Variants in PRDM16 observed in about 807,000 individuals in gnomAD.
PRDM16 encodes PR/SET domain 16.
In PRDM16, 23 loss-of-function variants were observed where a neutral mutation model predicts 110.6. The ratio of observed to expected loss-of-function variants is 0.21; its 90% confidence interval spans 0.15 to 0.29. PRDM16 has a LOEUF of 0.29. Ranked by LOEUF, PRDM16 falls within the 10% of genes least tolerant of loss-of-function variation. PRDM16 has a pLI of 1.00. For synonymous variants in PRDM16, 799 were observed against 781.8 expected (o/e 1.02, Z -0.37); for missense variants, 1,615 against 1,794.3 (o/e 0.90, Z 1.81).
Position 3,350,295 on chromosome 1 carries a change from C to T in PRDM16, c.439-34857C>T, listed in dbSNP as rs1184140400. Among the ~76,000 whole-genome samples, 1 of 152,194 alleles carries T rather than the reference C, an allele frequency of 6.6e-6. No individual in the cohort carries two copies. The highest frequency in any genetic ancestry group is 1.5e-5 in the Non-Finnish European group (1 of 68,038). On this transcript the variant is annotated intron_variant, in intron 3 of 16. Coordinates refer to ENST00000270722, the MANE Select transcript of PRDM16 (RefSeq NM_022114.4). This position sits in a 1 kb window ranked among gnomAD's most constrained non-coding sequence, Gnocchi z 7.1. ...GAGCTGTGATCACACCACTATACTCCAGCCTGGGCGAGAGAGTGAGACCCT... is the reference window on the plus strand; with the variant it reads ...GAGCTGTGATCACACCACTATACTCTAGCCTGGGCGAGAGAGTGAGACCCT...
chr1:3,403,744 T>C, intron 6 of PRDM16, among the ~76,000 whole-genome samples: 1 of 152,160 alleles, frequency 6.6e-6, no homozygotes, highest in East Asian at 1.9e-4. Flanking sequence ...TGTAAGGAGC[T>C]ATGGAGACTT....
intron 5 of PRDM16, among the ~76,000 whole-genome samples, chr1:3,398,950 G>T (rs922418925): frequency 6.6e-6 from 1 of 152,352 alleles, no homozygotes; most frequent in Non-Finnish European, 1.5e-5. Flanking sequence ...GGAGAACCGA[G>T]CCTCTGCCCT....
chr1:3,277,731 G>T lies in PRDM16; in HGVS notation c.438+33594G>T, dbSNP rs144227163. On this transcript the variant is annotated intron_variant, in intron 3 of 16. Transcript: ENST00000270722. ...TTCACCCACATGCACACACACACGCGCGCACACACGCACACGCACACACAT... is the reference window on the plus strand; with the variant it reads ...TTCACCCACATGCACACACACACGCTCGCACACACGCACACGCACACACAT... Among the ~76,000 whole-genome samples, 3 of 150,010 alleles carry T rather than the reference G, an allele frequency of 2.0e-5. No homozygotes were observed. In the East Asian group the frequency reaches 5.8e-4, roughly 29 times the overall value.
chr1:3,140,868 C>T (rs755959556), intron 1 of PRDM16, among the ~76,000 whole-genome samples: 5 of 152,216 alleles, frequency 3.3e-5, no homozygotes, highest in East Asian at 1.9e-4. Context: ...ACATTGATCC[C>T]GCAGAAGAAA....
At chr1:3,308,601 G>A (rs1295768634) in intron 3 of PRDM16, 1 of 152,266 alleles carries the variant, frequency 6.6e-6, no homozygotes, top group Non-Finnish European at 1.5e-5. Flanking sequence ...TCTCAGGCTT[G>A]CGAATGCGTT....
chr1:3,391,244 G>A (rs1643295200), intron 4 of PRDM16, among the ~76,000 whole-genome samples: 1 of 152,162 alleles, frequency 6.6e-6, no homozygotes, highest in Non-Finnish European at 1.5e-5. Context: ...GGCGGGAGGA[G>A]GGCAGGGGGC....
intron 3 of PRDM16, among the ~76,000 whole-genome samples, chr1:3,280,733 C>T (rs553856113): frequency 1.1e-4 from 16 of 152,336 alleles, no homozygotes; most frequent in Non-Finnish European, 2.1e-4. Flanking sequence ...TGAAAGGGAA[C>T]CTTGAGAAAG....
chr1:3,098,404 C>T (rs915066814), intron 1 of PRDM16, among the ~76,000 whole-genome samples: 1 of 152,078 alleles, frequency 6.6e-6, no homozygotes, highest in African/African-American at 2.4e-5. Context: ...GCTTAATGGT[C>T]AGAAAGACCA....
intron 3 of PRDM16, among the ~76,000 whole-genome samples, chr1:3,286,938 C>G (rs959287365): frequency 6.6e-6 from 1 of 151,590 alleles, no homozygotes; most frequent in Non-Finnish European, 1.5e-5. Flanking sequence ...GCTGGGTCTG[C>G]CCACCCTTCC....
chr1:3,405,698 G>A (rs778030621), intron 8 of PRDM16, 50 bp downstream of exon 8: 12 of 1,498,010 alleles, frequency 8.0e-6, no homozygotes, highest in South Asian at 5.3e-5. Context: ...CGCGGATGCC[G>A]TGGCGGTCGG....
intron 1 of PRDM16, among the ~76,000 whole-genome samples, chr1:3,180,860 G>GGCCTTACACACGCAGTCTTACA (rs1644143481): frequency 2.7e-5 from 4 of 149,856 alleles, no homozygotes; most frequent in African/African-American, 1.0e-4. Context: ...GCAGTCTTAC[G>GGCCTTACACACGCAGTCTTACA]CACGGCCTTA....
chr1:3,306,754 C>T (rs1016214920), intron 3 of PRDM16: 6 of 152,196 alleles, frequency 3.9e-5, no homozygotes, highest in Admixed American at 3.9e-4. Context: ...ACTTGTGCAA[C>T]CATCACAATA....
Position 3,213,328 on chromosome 1 carries a change from T to G in PRDM16, c.387+26854T>G, listed in dbSNP as rs552971099. Among the ~76,000 whole-genome samples, 1 of 143,804 alleles carries G rather than the reference T, an allele frequency of 7.0e-6. No individual in the cohort carries two copies. The highest frequency in any genetic ancestry group is 2.6e-5 in the African/African-American group (1 of 37,854). 94.3% of individuals were successfully genotyped at this position (143,804 alleles called of 152,430 possible). A position where few individuals can be genotyped will look rare whatever the true frequency, so the allele number is the denominator to read the frequency against. On this transcript the variant is annotated intron_variant, in intron 2 of 16. Coordinates refer to ENST00000270722, the MANE Select transcript of PRDM16 (RefSeq NM_022114.4). This position sits in a 1 kb window ranked among gnomAD's most constrained non-coding sequence, Gnocchi z 5.3. ...AGACAACCATTTCTGCTTAATTTGC[T>G]GACACAAATCACCCTAACTATTTTG...
At chr1:3,195,104 C>T (rs1638431887) in intron 2 of PRDM16, among the ~76,000 whole-genome samples, 2 of 152,192 alleles carry the variant, frequency 1.3e-5, no homozygotes, top group Admixed American at 1.3e-4. Flanking sequence ...AGGCACACAG[C>T]GTCGGGATTT....
intron 1 of PRDM16, among the ~76,000 whole-genome samples, chr1:3,168,863 AT>A (rs1402738702): frequency 7.9e-5 from 12 of 152,252 alleles, no homozygotes; most frequent in African/African-American, 2.9e-4. Context: ...ACTTCTGCAG[AT>A]GAGAAGCTCT....
intron 3 of PRDM16, among the ~76,000 whole-genome samples, chr1:3,349,519 CTTAT>C (rs1642437286): frequency 6.6e-6 from 1 of 152,186 alleles, no homozygotes; most frequent in Non-Finnish European, 1.5e-5. Flanking sequence ...TGGCTCCGAG[CTTAT>C]TTCAGAGCTG....
Position 3,273,976 on chromosome 1 carries a change from T to TAAAAA in PRDM16, c.438+29858_438+29862dup, listed in dbSNP as rs927412647. Among the ~76,000 whole-genome samples the TAAAAA allele has an allele frequency of 4.3e-3, 297 of 68,530 alleles. 6 individuals are homozygous for TAAAAA. Among genetic ancestry groups the TAAAAA allele is most frequent in the African/African-American group, 0.013 (268 of 21,056 alleles). The allele number at this position is 68,530 out of a possible 152,430, so 45.0% of individuals were successfully genotyped here. ...TCACCGTGGACTTGGTATGGGGAGG[T>TAAAAA]AAAAAAAAAAAAAAAAAAAAAAAGC... is the stretch of plus-strand genomic sequence containing the variant. On this transcript the variant is annotated intron_variant, in intron 3 of 16. Transcript: ENST00000270722.
intron 2 of PRDM16, among the ~76,000 whole-genome samples, chr1:3,212,293 G>T (rs756925628): frequency 6.6e-6 from 1 of 152,166 alleles, no homozygotes; most frequent in Non-Finnish European, 1.5e-5. Flanking sequence ...ATTTGTCCCC[G>T]CTGGGGCTCG....
At chr1:3,182,194 C>A (rs902053404) in intron 1 of PRDM16, among the ~76,000 whole-genome samples, 1 of 152,248 alleles carries the variant, frequency 6.6e-6, no homozygotes, top group African/African-American at 2.4e-5. Flanking sequence ...CAGGCAGATA[C>A]CGACTCCGAA....
Sources: allele counts gnomAD v4.1 joint callset (sites outside exome capture counted in the v4.1 genomes callset), GRCh38; gene constraint gnomAD v4.1.1; non-coding constraint Gnocchi (gnomAD v3.1); transcripts MANE v1.5; gene names NCBI Gene and HGNC (gene_info 2026-07-23, HGNC 2026-07-21).